ZFHX3: variants seen among roughly 807,000 people sequenced by gnomAD.
The protein encoded by ZFHX3 is zinc finger homeobox 3.
A neutral mutation model predicts 279.1 loss-of-function variants in ZFHX3; 42 were observed. The observed-to-expected ratio is 0.15, with a 90% CI of 0.12 to 0.19. The LOEUF (loss-of-function observed/expected upper bound fraction) is 0.19, where lower values mean the gene tolerates loss of function less well. Ranked by LOEUF, ZFHX3 falls within the 10% of genes least tolerant of loss-of-function variation. ZFHX3 has a pLI of 1.00. For missense variants in ZFHX3, 4,981 were observed against 4,754.0 expected (o/e 1.05, Z -1.40); for synonymous variants, 2,293 against 1,957.8 (o/e 1.17, Z -4.52).
chr16:73,629,441 C>T (rs2052448000), intron 2 of ZFHX3, among the ~76,000 whole-genome samples: 1 of 151,954 alleles, frequency 6.6e-6, no homozygotes, highest in Non-Finnish European at 1.5e-5. Flanking sequence ...ACAAGCAATG[C>T]AACCTCTACA....
intron 3 of ZFHX3, among the ~76,000 whole-genome samples, chr16:73,349,611 T>TCCC (rs1316720707): frequency 1.7e-4 from 22 of 126,350 alleles, no homozygotes; most frequent in African/African-American, 9.2e-4. Context: ...TCTCCCTTAC[T>TCCC]TCCTCCCTCC....
chr16:73,729,424 G>C (rs2053549627), intron 1 of ZFHX3, among the ~76,000 whole-genome samples: 2 of 152,180 alleles, frequency 1.3e-5, no homozygotes. Context: ...AGCTACTTGG[G>C]AGGCTGAGTC....
intron 1 of ZFHX3, among the ~76,000 whole-genome samples, chr16:73,003,532 C>A (rs1459581670): frequency 7.4e-6 from 1 of 135,822 alleles, no homozygotes; most frequent in East Asian, 2.5e-4. Flanking sequence ...CCCCACCCCG[C>A]CCCATCTCTT....
chr16:73,078,813 T>G (rs1965913275), intron 8 of ZFHX3, among the ~76,000 whole-genome samples: 1 of 151,894 alleles, frequency 6.6e-6, no homozygotes, highest in Non-Finnish European at 1.5e-5. Flanking sequence ...CCAGGCAATT[T>G]TTTTGTATTT....
chr16:73,739,673 CA>C (rs1420325421), intron 1 of ZFHX3, among the ~76,000 whole-genome samples: 1 of 152,078 alleles, frequency 6.6e-6, no homozygotes, highest in Non-Finnish European at 1.5e-5. Flanking sequence ...CAGGGACTCC[CA>C]AAAGGGTGGG....
In ZFHX3 at chr16:73,334,810, C is replaced by CTTTTTTTTTTTTTTTT. The variant is rs368597124; in HGVS notation, c.-1290-16490_-1290-16475dup. ...TCTTTTCCTCCTTTTCTTTCTCATT[C>CTTTTTTTTTTTTTTTT]TTTTTTTTTTTTTTTTTTTTTTTTT... On this transcript the variant is annotated intron_variant, in intron 3 of 17. Coordinates refer to the ZFHX3 transcript ENST00000641206. 1.3e-3 allele frequency among the ~76,000 whole-genome samples: 75 copies of CTTTTTTTTTTTTTTTT among 57,914 alleles called. 13 individuals carry two copies. Among genetic ancestry groups the CTTTTTTTTTTTTTTTT allele is most frequent in the Non-Finnish European group, 2.0e-3 (59 of 29,186 alleles). 38.0% of individuals were successfully genotyped at this position (57,914 alleles called of 152,430 possible).
chr16:73,479,214 T>A (rs2890402), intron 2 of ZFHX3, among the ~76,000 whole-genome samples: 49,991 of 151,994 alleles, frequency 0.33, 9,192 homozygotes, highest in African/African-American at 0.49. Flanking sequence ...GAAAAATAAG[T>A]GTTGCTAATG....
intron 2 of ZFHX3, among the ~76,000 whole-genome samples, chr16:73,541,633 G>A (rs148738440): frequency 1.3e-5 from 2 of 152,170 alleles, no homozygotes; most frequent in Non-Finnish European, 1.5e-5. Flanking sequence ...ATGCAGAGAC[G>A]GATGCCTGGT....
intron 1 of ZFHX3, among the ~76,000 whole-genome samples, chr16:73,864,331 C>G (rs1961956444): frequency 6.6e-6 from 1 of 152,210 alleles, no homozygotes; most frequent in Non-Finnish European, 1.5e-5. Flanking sequence ...CATTCATTAA[C>G]TACGCTGTGA....
chr16:73,155,152 G>A (rs183772601), intron 5 of ZFHX3, among the ~76,000 whole-genome samples: 19 of 133,642 alleles, frequency 1.4e-4, no homozygotes, highest in Middle Eastern at 5.6e-3. Flanking sequence ...CAGCCTGGGT[G>A]ACAGAGTGAG....
intron 5 of ZFHX3, among the ~76,000 whole-genome samples, chr16:72,815,809 T>C (rs546617677): frequency 6.6e-6 from 1 of 152,304 alleles, no homozygotes; most frequent in Non-Finnish European, 1.5e-5. Flanking sequence ...TCTGGAACCT[T>C]TGGTTTACAT....
At chr16:73,495,347 G>A (rs939266443) in intron 2 of ZFHX3, among the ~76,000 whole-genome samples, 13 of 152,208 alleles carry the variant, frequency 8.5e-5, no homozygotes, top group African/African-American at 2.9e-4. Flanking sequence ...TAGCAGAGTT[G>A]TTCTTTAGCT....
Position 72,786,418 on chromosome 16 carries a change from T to A in ZFHX3, c.*746A>T, listed in dbSNP as rs561075875. On this transcript the variant is annotated 3_prime_UTR_variant, in exon 10 of 10. Transcript: ENST00000268489. The stretch of plus-strand genomic sequence containing the variant: ...CTCTTTGTGTGTGTGGGTTATTATT[T>A]TTTTTTTTTTTTGAAAGTGGGAGTG... The A allele has an allele frequency of 2.3e-3, 353 of 150,812 alleles. 1 individual carries two copies. The highest frequency in any genetic ancestry group is 3.4e-3 in the Middle Eastern group (1 of 292). The allele number at this position is 150,812 out of a possible 1,614,324, so 9.3% of individuals were successfully genotyped here. A position where few individuals can be genotyped will look rare whatever the true frequency, so the allele number is the denominator to read the frequency against.
chr16:73,638,508 T>G, intron 2 of ZFHX3, among the ~76,000 whole-genome samples: 1 of 152,252 alleles, frequency 6.6e-6, no homozygotes, highest in Non-Finnish European at 1.5e-5. Context: ...CAAATGAGTT[T>G]CAAATGACTG....
At chr16:73,608,512 A>G (rs1265144588) in intron 2 of ZFHX3, 1 of 152,248 alleles carries the variant, frequency 6.6e-6, no homozygotes, top group East Asian at 1.9e-4. Flanking sequence ...AGTACAAAAC[A>G]ATAACAACAA....
intron 2 of ZFHX3, among the ~76,000 whole-genome samples, chr16:73,588,492 C>G (rs1350934834): frequency 6.6e-6 from 1 of 151,670 alleles, no homozygotes; most frequent in Non-Finnish European, 1.5e-5. Context: ...CGAGACCATC[C>G]TGGCTAACAC....
intron 1 of ZFHX3, among the ~76,000 whole-genome samples, chr16:72,995,445 T>G (rs1255738946): frequency 6.6e-6 from 1 of 152,128 alleles, no homozygotes; most frequent in Non-Finnish European, 1.5e-5. Flanking sequence ...TTTAAATAAC[T>G]TCCAGTCCTG....
intron 7 of ZFHX3, among the ~76,000 whole-genome samples, chr16:73,105,408 T>TATATATATATAC (rs1966288078): frequency 4.8e-5 from 4 of 82,778 alleles, no homozygotes; most frequent in African/African-American, 1.8e-4. Context: ...TATATATATA[T>TATATATATATAC]ACACACACAC....
At chr16:73,049,264 G>A (rs986140726), upstream of ZFHX3, among the ~76,000 whole-genome samples, 1 of 152,190 alleles carries the variant, frequency 6.6e-6, no homozygotes. Flanking sequence ...AAAGGCACCT[G>A]CTTTTACCCT....
Sources: gnomAD v4.1 joint callset for allele counts (sites outside exome capture counted in the v4.1 genomes callset) on GRCh38, gnomAD v4.1.1 for gene constraint, MANE v1.5 for transcripts, NCBI Gene and HGNC (gene_info 2026-07-23, HGNC 2026-07-21) for gene names.